The following PTPRR variants were observed in gnomAD, a reference collection of about 807,000 sequenced individuals.
PTPRR encodes receptor-type tyrosine-protein phosphatase R.
PTPRR carries 38 observed loss-of-function variants against 77.2 expected under a neutral mutation model. The observed-to-expected ratio is 0.49, with a 90% CI of 0.38 to 0.65. The LOEUF (loss-of-function observed/expected upper bound fraction) is 0.65, where lower values mean the gene tolerates loss of function less well. PTPRR is among the 30% of genes least tolerant of loss of function. The probability of loss-of-function intolerance (pLI) is 0.00; values close to 1 mark genes in which losing one functional copy is unlikely to be tolerated. For synonymous variants in PTPRR, 299 were observed against 283.1 expected, an observed-to-expected ratio of 1.06 and a Z score of -0.57; for missense variants, 744 against 799.2, an observed-to-expected ratio of 0.93 and a Z score of 0.83.
intron 2 of PTPRR, among the ~76,000 whole-genome samples, chr12:70,834,888 T>TA (rs1302164682): frequency 6.6e-6 from 1 of 152,156 alleles, no homozygotes; most frequent in Non-Finnish European, 1.5e-5. Context: ...TGCTCAAAGT[T>TA]ACATTAGAGT....
At chr12:70,779,587 G>T (rs1891160095) in intron 2 of PTPRR, among the ~76,000 whole-genome samples, 1 of 152,072 alleles carries the variant, frequency 6.6e-6, no homozygotes, top group Non-Finnish European at 1.5e-5. Flanking sequence ...CTTGTTTATT[G>T]TATATTCTCA....
At chr12:70,728,801 A>G (rs1422388195) in intron 6 of PTPRR, among the ~76,000 whole-genome samples, 3 of 152,024 alleles carry the variant, frequency 2.0e-5, no homozygotes, top group African/African-American at 7.2e-5. Context: ...ACAACACTAA[A>G]GAGGATGCCT....
chr12:70,860,351 T>C (rs17108931), intron 2 of PTPRR, among the ~76,000 whole-genome samples: 7,534 of 152,184 alleles, frequency 0.05, 634 homozygotes, highest in African/African-American at 0.17. Flanking sequence ...CATTATTTGA[T>C]ACAGACCAAG....
rs983527732 is a variant in PTPRR, at chr12:70,920,448, T to A, written c.-58A>T. The A allele has an allele frequency of 1.9e-6, 3 of 1,549,460 alleles. No individual in the cohort carries two copies. The highest frequency in any genetic ancestry group is 2.7e-5 in the African/African-American group (2 of 73,136). ...CACCACGACCCCACTTCAGGTAAAG[T>A]GCTATTAGAAAGAGCCACCGCCAAG... On this transcript the variant is annotated 5_prime_UTR_variant, in exon 1 of 14. Transcript: ENST00000283228.
At chr12:70,870,830 C>T (rs1028777055) in intron 2 of PTPRR, among the ~76,000 whole-genome samples, 2 of 152,188 alleles carry the variant, frequency 1.3e-5, no homozygotes, top group African/African-American at 4.8e-5. Flanking sequence ...ACCAAGATTT[C>T]CACAGTATTA....
intron 2 of PTPRR, among the ~76,000 whole-genome samples, chr12:70,800,819 C>T (rs1334686508): frequency 2.6e-5 from 4 of 151,782 alleles, no homozygotes; most frequent in Admixed American, 6.6e-5. Context: ...CGCTTGAACC[C>T]GGGTGGCGGA....
intron 2 of PTPRR, among the ~76,000 whole-genome samples, chr12:70,888,823 A>G (rs1893285352): frequency 6.6e-6 from 1 of 152,152 alleles, no homozygotes. Context: ...TATTGTCCCT[A>G]CTATGTAAGT....
At chr12:70,653,599 T>G (rs1352305879) in intron 13 of PTPRR, among the ~76,000 whole-genome samples, 1 of 152,202 alleles carries the variant, frequency 6.6e-6, no homozygotes, top group Non-Finnish European at 1.5e-5. Flanking sequence ...TACAGGCACA[T>G]GTTAGGTTCC....
chr12:70,879,997 A>G (rs1455966551), intron 2 of PTPRR, among the ~76,000 whole-genome samples: 4 of 152,186 alleles, frequency 2.6e-5, no homozygotes, highest in African/African-American at 9.7e-5. Flanking sequence ...TCAGCTTTTT[A>G]GCAGTCAAAG....
chr12:70,714,357 C>T (rs181847952), intron 6 of PTPRR, among the ~76,000 whole-genome samples: 110 of 152,170 alleles, frequency 7.2e-4, no homozygotes, highest in African/African-American at 2.6e-3. Flanking sequence ...TTCTTCCCGC[C>T]TCCTGATTTT....
intron 6 of PTPRR, among the ~76,000 whole-genome samples, chr12:70,723,963 C>T (rs1449806126): frequency 1.3e-5 from 2 of 152,012 alleles, no homozygotes; most frequent in African/African-American, 4.8e-5. Flanking sequence ...CAGTGAGAGA[C>T]TCCCCAAAAT....
At chr12:70,784,648 C>T (rs2137002469) in intron 2 of PTPRR, among the ~76,000 whole-genome samples, 1 of 152,336 alleles carries the variant, frequency 6.6e-6, no homozygotes, top group Admixed American at 6.5e-5. Context: ...GCTGCCATCA[C>T]TATTAGCTAT....
intron 2 of PTPRR, among the ~76,000 whole-genome samples, chr12:70,873,398 A>G (rs1010063319): frequency 3.9e-5 from 6 of 152,170 alleles, no homozygotes; most frequent in African/African-American, 1.4e-4. Flanking sequence ...CTGAGAAACA[A>G]TTGCAGAGGA....
chr12:70,638,491 C>T lies in PTPRR; in HGVS notation c.*693G>A, dbSNP rs1885849149. ...CTGGAGCAGAAGCCACCTTTATGCC[C>T]AATAATAGAGAGTAAATACATATAT... On this transcript the variant is annotated 3_prime_UTR_variant, in exon 14 of 14. Coordinates refer to ENST00000283228, the MANE Select transcript of PTPRR (RefSeq NM_002849.4). 1 of 152,388 alleles carries T rather than the reference C, an allele frequency of 6.6e-6. No individual in the cohort carries two copies. Among genetic ancestry groups the T allele is most frequent in the African/African-American group, 2.4e-5 (1 of 41,362 alleles). 9.4% of individuals were successfully genotyped at this position (152,388 alleles called of 1,614,324 possible).
At chr12:70,855,028 G>A (rs1207323844) in intron 2 of PTPRR, among the ~76,000 whole-genome samples, 1 of 152,158 alleles carries the variant, frequency 6.6e-6, no homozygotes, top group Non-Finnish European at 1.5e-5. Context: ...TTTGAAGAGT[G>A]CATAGTTTGC....
intron 2 of PTPRR, among the ~76,000 whole-genome samples, chr12:70,855,577 C>T (rs1892637658): frequency 6.6e-6 from 1 of 152,132 alleles, no homozygotes; most frequent in Admixed American, 6.6e-5. Flanking sequence ...GTCCTAAATT[C>T]CAGCTCCAGG....
At chr12:70,774,224 C>G (rs1335809831) in intron 2 of PTPRR, among the ~76,000 whole-genome samples, 2 of 152,198 alleles carry the variant, frequency 1.3e-5, no homozygotes, top group African/African-American at 4.8e-5. Context: ...GCAGGGTGAG[C>G]TGGCACACAG....
chr12:70,766,227 G>A (rs1334453978), intron 2 of PTPRR, among the ~76,000 whole-genome samples: 5 of 152,242 alleles, frequency 3.3e-5, no homozygotes, highest in African/African-American at 1.2e-4. Context: ...AGCTACAGGA[G>A]GAAATTCAAA....
At chr12:70,773,568 G>A (rs1229386617) in intron 2 of PTPRR, among the ~76,000 whole-genome samples, 2 of 152,098 alleles carry the variant, frequency 1.3e-5, no homozygotes, top group Non-Finnish European at 2.9e-5. Context: ...GGCAGATGGA[G>A]CATATCATGG....
Sources: gnomAD v4.1 joint callset for allele counts (sites outside exome capture counted in the v4.1 genomes callset) on GRCh38, gnomAD v4.1.1 for gene constraint, MANE v1.5 for transcripts, NCBI Gene and HGNC (gene_info 2026-07-23, HGNC 2026-07-21) for gene names.